The following BABAM2 variants were observed in gnomAD, a reference collection of about 807,000 sequenced individuals.
BABAM2 encodes the protein BRISC and BRCA1-A complex member 2.
Under a neutral mutation model 54.7 loss-of-function variants are expected in BABAM2, and 31 were observed. The observed-to-expected ratio is 0.57, with a 90% CI of 0.43 to 0.77. BABAM2 has a LOEUF of 0.77. Ranked by LOEUF, BABAM2 falls within the 30% of genes least tolerant of loss-of-function variation. The pLI, the probability that BABAM2 is intolerant of heterozygous loss-of-function variation, is 0.00. For missense variants in BABAM2, 364 were observed against 455.8 expected (o/e 0.80, Z 1.83); for synonymous variants, 167 against 162.9 (o/e 1.03, Z -0.19).
intron 5 of BABAM2, among the ~76,000 whole-genome samples, chr2:28,038,094 A>C (rs550621589): frequency 6.6e-6 from 1 of 152,324 alleles, no homozygotes; most frequent in South Asian, 2.1e-4. Flanking sequence ...AGGAAAAACT[A>C]AAACAAAACA....
intron 10 of BABAM2, among the ~76,000 whole-genome samples, chr2:28,292,401 T>A (rs1408171134): frequency 2.0e-5 from 3 of 152,218 alleles, no homozygotes; most frequent in Admixed American, 6.5e-5. Flanking sequence ...TGAAATAGAT[T>A]ATACAATTAT....
Position 28,237,697 on chromosome 2 carries a change from T to C in BABAM2, c.780+396T>C, listed in dbSNP as rs528858051. On this transcript the variant is annotated intron_variant, in intron 8 of 11. Coordinates refer to ENST00000379624, the MANE Select transcript of BABAM2 (RefSeq NM_199191.3). ...CGTGTGTGCATGTGTTTGGCAGTAGTTGGTATCCGCGTAATTGTTTAAAAC... is the reference window on the plus strand; with the variant it reads ...CGTGTGTGCATGTGTTTGGCAGTAGCTGGTATCCGCGTAATTGTTTAAAAC... 2.0e-5 allele frequency among the ~76,000 whole-genome samples: 3 copies of C among 151,706 alleles called. No individual in the cohort carries two copies. In the East Asian group the frequency reaches 5.8e-4, roughly 29 times the overall value.
At chr2:28,264,065 A>C (rs1684770463) in intron 10 of BABAM2, among the ~76,000 whole-genome samples, 1 of 152,064 alleles carries the variant, frequency 6.6e-6, no homozygotes, top group Non-Finnish European at 1.5e-5. Flanking sequence ...GCTCTAAACC[A>C]TTGTCTCGTT....
At chr2:28,259,106 T>TTTTTTTTTTC (rs1553352395) in intron 10 of BABAM2, among the ~76,000 whole-genome samples, 1 of 109,634 alleles carries the variant, frequency 9.1e-6, no homozygotes, top group Non-Finnish European at 1.9e-5. Flanking sequence ...TTTTTTTTTT[T>TTTTTTTTTTC]CAGACTGAGT....
chr2:27,986,529 C>T (rs183418164), intron 3 of BABAM2, among the ~76,000 whole-genome samples: 200 of 151,984 alleles, frequency 1.3e-3, no homozygotes, highest in Middle Eastern at 3.4e-3. Flanking sequence ...GACTTATTTT[C>T]TAAGAGTATA....
chr2:27,965,753 T>C (rs1573283070), intron 3 of BABAM2, among the ~76,000 whole-genome samples: 1 of 152,204 alleles, frequency 6.6e-6, no homozygotes, highest in East Asian at 1.9e-4. Flanking sequence ...TGTGTGCACA[T>C]TGCAATAGGT....
intron 6 of BABAM2, among the ~76,000 whole-genome samples, chr2:28,075,517 A>C (rs1664571408): frequency 6.6e-6 from 1 of 151,944 alleles, no homozygotes; most frequent in Non-Finnish European, 1.5e-5. Context: ...AAAAACAAAA[A>C]CATCACGTTT....
intron 9 of BABAM2, among the ~76,000 whole-genome samples, chr2:28,244,450 A>T (rs1311231157): frequency 1.2e-5 from 1 of 81,792 alleles, no homozygotes; most frequent in South Asian, 4.3e-4. Context: ...ATAGTATTTT[A>T]TGATTTATCT....
intron 2 of BABAM2, 64 bp from the exon 3 acceptor site, chr2:27,929,766 CAT>C (rs1034933446): frequency 7.2e-5 from 102 of 1,407,956 alleles, no homozygotes; most frequent in South Asian, 2.3e-4. Flanking sequence ...GTATCATAAA[CAT>C]GTGGGTTTTT....
At chr2:28,143,262 C>G (rs1671220222) in intron 7 of BABAM2, among the ~76,000 whole-genome samples, 1 of 151,920 alleles carries the variant, frequency 6.6e-6, no homozygotes, top group Non-Finnish European at 1.5e-5. Flanking sequence ...AAAAATACTG[C>G]CTGATCTCAC....
chr2:27,990,816 T>A (rs1042923193), intron 4 of BABAM2, among the ~76,000 whole-genome samples: 27 of 152,028 alleles, frequency 1.8e-4, no homozygotes, highest in Admixed American at 1.8e-3. Context: ...ATATATATAA[T>A]CTTTTATTTA....
intron 7 of BABAM2, among the ~76,000 whole-genome samples, chr2:28,143,726 T>C (rs1020411514): frequency 5.9e-5 from 9 of 152,180 alleles, no homozygotes; most frequent in African/African-American, 2.2e-4. Flanking sequence ...TAGTGGCTAA[T>C]ACCAATGAAC....
intron 3 of BABAM2, among the ~76,000 whole-genome samples, chr2:27,953,236 A>G (rs1236742184): frequency 6.6e-6 from 1 of 152,044 alleles, no homozygotes; most frequent in Admixed American, 6.6e-5. Context: ...GCTGGAGTGC[A>G]GTGTTACAAT....
intron 3 of BABAM2, among the ~76,000 whole-genome samples, chr2:27,985,755 T>C (rs2148481766): frequency 6.6e-6 from 1 of 152,298 alleles, no homozygotes; most frequent in South Asian, 2.1e-4. Flanking sequence ...CTATGTCTTA[T>C]ATCCCTCACT....
intron 2 of BABAM2, among the ~76,000 whole-genome samples, chr2:27,917,707 C>T (rs1291617219): frequency 6.6e-6 from 1 of 151,868 alleles, no homozygotes; most frequent in Non-Finnish European, 1.5e-5. Flanking sequence ...ATAGCACACC[C>T]CAAATTATTT....
At chr2:27,981,373 G>A (rs558179261) in intron 3 of BABAM2, among the ~76,000 whole-genome samples, 1 of 152,116 alleles carries the variant, frequency 6.6e-6, no homozygotes, top group East Asian at 1.9e-4. Context: ...ATTACATACC[G>A]TGCAGTTTAC....
At chr2:28,302,592 T>C (rs6721691) in intron 11 of BABAM2, among the ~76,000 whole-genome samples, 19,763 of 152,152 alleles carry the variant, frequency 0.13, 2,396 homozygotes, top group East Asian at 0.55. Context: ...TAGACATGTG[T>C]TTTCCTTTCT....
intron 11 of BABAM2, among the ~76,000 whole-genome samples, chr2:28,320,452 T>A (rs186873669): frequency 6.6e-6 from 1 of 152,348 alleles, no homozygotes; most frequent in East Asian, 1.9e-4. Context: ...AGAAGGGCAG[T>A]GGGAGCCCAG....
At chr2:27,940,472 A>G (rs541715028) in intron 3 of BABAM2, among the ~76,000 whole-genome samples, 1 of 152,332 alleles carries the variant, frequency 6.6e-6, no homozygotes, top group East Asian at 1.9e-4. Flanking sequence ...AGCCGTGTTC[A>G]TTCTTTGGAT....
Sources: gnomAD v4.1 joint callset for allele counts (sites outside exome capture counted in the v4.1 genomes callset) on GRCh38, gnomAD v4.1.1 for gene constraint, MANE v1.5 for transcripts, NCBI Gene and HGNC (gene_info 2026-07-23, HGNC 2026-07-21) for gene names.